Variants in TNRC6B observed in about 807,000 individuals in gnomAD.
TNRC6B encodes the protein trinucleotide repeat-containing gene 6B protein.
A neutral mutation model predicts 203.6 loss-of-function variants in TNRC6B; 52 were observed. The ratio of observed to expected loss-of-function variants is 0.26; its 90% CI spans 0.20 to 0.32. TNRC6B has a LOEUF of 0.32. Among genes scored for constraint, TNRC6B ranks in the 10% least tolerant of loss-of-function variants. The pLI, the probability that TNRC6B is intolerant of heterozygous loss-of-function variation, is 1.00. For missense variants in TNRC6B, 1,923 were observed against 2,286.2 expected (o/e 0.84, Z 3.24); for synonymous variants, 838 against 845.7 (o/e 0.99, Z 0.16).
At chr22:40,125,841 A>T (rs764313622) in exon 3 of TNRC6B, 15 of 1,612,572 alleles carry the variant, frequency 9.3e-6, no homozygotes, top group Non-Finnish European at 1.2e-5. Flanking sequence ...AGGGAGAAGT[A>T]TCGGAAGAAA....
At chr22:40,206,753 G>A (rs2069483816) in intron 1 of TNRC6B, among the ~76,000 whole-genome samples, 2 of 152,118 alleles carry the variant, frequency 1.3e-5, no homozygotes, top group African/African-American at 4.8e-5. Flanking sequence ...AGACCGCCAC[G>A]CGTACATGGA....
Position 40,333,757 on chromosome 22 carries a change from G to C in TNRC6B, c.*10516G>C, listed in dbSNP as rs868741294. ...CTTCCATTACCCCCTCCATGAGCTC[G>C]AAGCGACATTAAGTAGAGGGAAATG... On this transcript the variant is annotated 3_prime_UTR_variant, in exon 23 of 23. Transcript: ENST00000454349. 6.6e-6 allele frequency: 1 copy of C among 152,606 alleles called. No individual in the cohort carries two copies. The highest frequency in any genetic ancestry group is 2.4e-5 in the African/African-American group (1 of 41,444). 9.5% of individuals were successfully genotyped at this position (152,606 alleles called of 1,614,324 possible).
intron 5 of TNRC6B, among the ~76,000 whole-genome samples, chr22:40,267,367 G>C (rs544670143): frequency 1.5e-4 from 23 of 152,178 alleles, no homozygotes; most frequent in African/African-American, 5.5e-4. Flanking sequence ...AAGAATTAAA[G>C]TAGTAGCAGA....
rs1043383495 is a variant in TNRC6B at position 40,225,507 on chromosome 22, C to G, written c.6-20508C>G. Among the ~76,000 whole-genome samples the G allele has an allele frequency of 1.2e-4, 19 of 152,196 alleles. No individual in the cohort carries two copies. The East Asian group carries it at 3.7e-3, about 29-fold the overall frequency. On this transcript the variant is annotated intron_variant, in intron 1 of 22. Coordinates refer to ENST00000454349, the MANE Select transcript of TNRC6B (RefSeq NM_001162501.2). ...ACTTCGGGAGGCTGAGGTGGGCAGA[C>G]CACTTGAGGTCAGGAGTTCACGACC...
intron 1 of TNRC6B, among the ~76,000 whole-genome samples, chr22:40,191,547 GT>G (rs2069273522): frequency 6.6e-6 from 1 of 152,124 alleles, no homozygotes; most frequent in Non-Finnish European, 1.5e-5. Flanking sequence ...TGGAGTTGTA[GT>G]TTGATTGGTT....
intron 4 of TNRC6B, among the ~76,000 whole-genome samples, chr22:40,157,466 T>A (rs1259193894): frequency 3.3e-5 from 5 of 152,184 alleles, no homozygotes; most frequent in African/African-American, 1.2e-4. Context: ...GCCAGATTCA[T>A]TAAAGGAAAA....
At chr22:40,247,719 G>A (rs1044792283) in intron 2 of TNRC6B, among the ~76,000 whole-genome samples, 2 of 152,128 alleles carry the variant, frequency 1.3e-5, no homozygotes, top group African/African-American at 4.8e-5. Context: ...CTAATGTGTT[G>A]CTTCTCACCT....
chr22:40,275,975 C>A (rs1005104652), intron 7 of TNRC6B, among the ~76,000 whole-genome samples: 4 of 150,972 alleles, frequency 2.6e-5, no homozygotes, highest in Non-Finnish European at 1.5e-5. Context: ...AAAAAACCGC[C>A]CCCCACACAC....
At chr22:40,123,188 G>A (rs2068460161) in intron 2 of TNRC6B, among the ~76,000 whole-genome samples, 1 of 152,172 alleles carries the variant, frequency 6.6e-6, no homozygotes, top group Non-Finnish European at 1.5e-5. Context: ...AGTGAGTGGA[G>A]GGGCAGAAGT....
intron 5 of TNRC6B, among the ~76,000 whole-genome samples, chr22:40,268,891 C>T (rs1456352125): frequency 2.0e-5 from 3 of 150,962 alleles, no homozygotes; most frequent in East Asian, 2.0e-4. Context: ...CCAGCCTGGG[C>T]GACAGAGCAA....
chr22:40,046,562 A>G (rs1701005395), intron 1 of TNRC6B, among the ~76,000 whole-genome samples: 1 of 152,046 alleles, frequency 6.6e-6, no homozygotes, highest in Non-Finnish European at 1.5e-5. Flanking sequence ...GGTAACATAT[A>G]AATGTCATGC....
intron 15 of TNRC6B, among the ~76,000 whole-genome samples, chr22:40,304,107 A>C (rs1047338683): frequency 2.0e-5 from 3 of 152,340 alleles, no homozygotes; most frequent in African/African-American, 7.2e-5. Flanking sequence ...ACAGTCTTTC[A>C]GTTTTCCTGA....
In TNRC6B at chr22:40,266,707, C is replaced by G. The variant is rs1377587735; in HGVS notation, c.2477C>G (p.Pro826Arg). Reference protein sequence around the residue: ...WNKQHQQQQPPQQPPPPQPEA... With the variant: ...WNKQHQQQQPRQQPPPPQPEA... ...AAACAACACCAACAGCAGCAGCCCCCACAGCAGCCGCCGCCACCACAACCA... is the reference window on the plus strand; with the variant it reads ...AAACAACACCAACAGCAGCAGCCCCGACAGCAGCCGCCGCCACCACAACCA... Residue 826 changes from proline (P) to arginine (R), a missense_variant, in exon 5 of 23, where the codon CCA becomes CGA. Around this residue, in one of 8 missense-constraint regions of TNRC6B, gnomAD observed 599 missense variants for 656.5 expected, o/e 0.91. Coordinates refer to ENST00000454349, the MANE Select transcript of TNRC6B (RefSeq NM_001162501.2). 6.2e-7 allele frequency: 1 copy of G among 1,613,916 alleles called. No homozygotes were observed. Among genetic ancestry groups the G allele is most frequent in the African/African-American group, 1.3e-5 (1 of 75,034 alleles).
chr22:40,250,833 T>A (rs951881251), intron 2 of TNRC6B, among the ~76,000 whole-genome samples: 5 of 152,184 alleles, frequency 3.3e-5, no homozygotes, highest in African/African-American at 1.2e-4. Context: ...CTATGGCTAA[T>A]TTAGTTTCTG....
intron 2 of TNRC6B, among the ~76,000 whole-genome samples, chr22:40,119,979 G>A (rs2068428732): frequency 6.6e-6 from 1 of 152,162 alleles, no homozygotes; most frequent in South Asian, 2.1e-4. Flanking sequence ...GTGAAATAAA[G>A]GACAAAGATA....
rs1042688492 is a variant in TNRC6B at position 40,323,888 on chromosome 22, T to TGC, written c.*648_*649dup. 6 of 152,566 alleles carry TGC rather than the reference T, an allele frequency of 3.9e-5. No individual in the cohort carries two copies. The highest frequency in any genetic ancestry group is 1.4e-4 in the African/African-American group (6 of 41,462). The allele number at this position is 152,566 out of a possible 1,614,324, so 9.5% of individuals were successfully genotyped here. A position where few individuals can be genotyped will look rare whatever the true frequency, so the allele number is the denominator to read the frequency against. ...AGGCATGCTCGTTCTGGTGTGTGTG[T>TGC]GCACGTGTGTTCATGTGCATTCGCG... On this transcript the variant is annotated 3_prime_UTR_variant, in exon 23 of 23. Coordinates refer to ENST00000454349, the MANE Select transcript of TNRC6B (RefSeq NM_001162501.2).
In TNRC6B at chr22:40,246,049, G is replaced by A. The variant is rs1265048492; in HGVS notation, c.40G>A (p.Glu14Lys). 9 of 1,540,358 alleles carry A rather than the reference G, an allele frequency of 5.8e-6. No individual in the cohort carries two copies. Among genetic ancestry groups the A allele is most frequent in the Admixed American group, 2.0e-5 (1 of 50,436 alleles). The change falls in exon 2 of 23, where the codon GAA becomes AAA. Residue 14 changes from glutamate to lysine, a missense_variant. Physicochemically the swap from Glu to Lys is moderately conservative, Grantham distance 56. Coordinates refer to ENST00000454349, the MANE Select transcript of TNRC6B (RefSeq NM_001162501.2). Reference protein sequence around the residue: ...KEQEREEQLMEDKKRKKEDKK... With the variant: ...KEQEREEQLMKDKKRKKEDKK... The stretch of plus-strand genomic sequence containing the variant: ...GCAAGAAAGGGAAGAACAGTTAATG[G>A]AAGACAAGAAAAGGAAGAAAGAGGA...
chr22:40,191,901 C>T (rs1242750101), intron 1 of TNRC6B, among the ~76,000 whole-genome samples: 3 of 152,366 alleles, frequency 2.0e-5, no homozygotes, highest in Admixed American at 6.5e-5. Flanking sequence ...CAGGCATGCA[C>T]CACCATGCCC....
intron 1 of TNRC6B, among the ~76,000 whole-genome samples, chr22:40,226,955 G>A (rs1163861110): frequency 1.3e-5 from 2 of 151,934 alleles, no homozygotes; most frequent in Non-Finnish European, 2.9e-5. Flanking sequence ...TATCACCTAG[G>A]CTGTAGTGCA....
Sources: allele counts gnomAD v4.1 joint callset (sites outside exome capture counted in the v4.1 genomes callset), GRCh38; gene constraint gnomAD v4.1.1; regional missense constraint gnomAD v4.1.1; transcripts MANE v1.5; gene names NCBI Gene and HGNC (gene_info 2026-07-23, HGNC 2026-07-21).